The following KIAA0825 variants were observed in gnomAD, a reference collection of about 807,000 sequenced individuals.
The protein encoded by KIAA0825 is uncharacterized protein KIAA0825.
KIAA0825 carries 119 observed loss-of-function variants against 147.6 expected under a neutral mutation model. The ratio of observed to expected loss-of-function variants is 0.81; its 90% confidence interval spans 0.69 to 0.94. The LOEUF (loss-of-function observed/expected upper bound fraction) is 0.94, where lower values mean the gene tolerates loss of function less well. Among genes scored for constraint, KIAA0825 ranks in the 40% least tolerant of loss-of-function variants. The pLI, the probability that KIAA0825 is intolerant of heterozygous loss-of-function variation, is 0.00. For synonymous variants in KIAA0825, 470 were observed against 518.1 expected (o/e 0.91, Z 1.26); for missense variants, 1,381 against 1,472.7 (o/e 0.94, Z 1.02).
intron 20 of KIAA0825, among the ~76,000 whole-genome samples, chr5:94,247,901 A>AG (rs549356072): frequency 5.3e-5 from 8 of 152,020 alleles, no homozygotes; most frequent in Admixed American, 1.3e-4. Context: ...GGAAAATATA[A>AG]GGGGGGGTAA....
intron 2 of KIAA0825, among the ~76,000 whole-genome samples, chr5:94,574,944 T>C (rs1168399894): frequency 6.6e-6 from 1 of 152,166 alleles, no homozygotes; most frequent in Admixed American, 6.5e-5. Flanking sequence ...TAAACCCCAT[T>C]CACAGCTACC....
At chr5:94,287,430 A>G (rs1198002456) in intron 20 of KIAA0825, among the ~76,000 whole-genome samples, 1 of 152,220 alleles carries the variant, frequency 6.6e-6, no homozygotes, top group Non-Finnish European at 1.5e-5. Context: ...CATTTGATGA[A>G]TAAAAAGGGG....
At chr5:94,205,792 C>A (rs964780324) in intron 20 of KIAA0825, among the ~76,000 whole-genome samples, 4 of 152,098 alleles carry the variant, frequency 2.6e-5, no homozygotes, top group Admixed American at 6.5e-5. Context: ...GTAAGACGCA[C>A]CTGATTTTCC....
intron 5 of KIAA0825, among the ~76,000 whole-genome samples, chr5:94,509,859 G>C (rs1183568549): frequency 6.6e-6 from 1 of 152,128 alleles, no homozygotes; most frequent in Non-Finnish European, 1.5e-5. Flanking sequence ...GGGCTTTTGT[G>C]ATCATGACTA....
chr5:94,473,819 C>T (rs1166603214), intron 7 of KIAA0825, among the ~76,000 whole-genome samples: 3 of 152,106 alleles, frequency 2.0e-5, no homozygotes, highest in African/African-American at 7.2e-5. Flanking sequence ...GCCATCTTTA[C>T]AAGAACAGAA....
At chr5:94,503,066 A>C (rs182642935) in intron 5 of KIAA0825, among the ~76,000 whole-genome samples, 1 of 125,024 alleles carries the variant, frequency 8.0e-6, no homozygotes, top group East Asian at 2.0e-4. Flanking sequence ...ACTCCATCTC[A>C]AAAAAAAATA....
chr5:94,538,544 G>A (rs62364621), intron 2 of KIAA0825, among the ~76,000 whole-genome samples: 2 of 152,252 alleles, frequency 1.3e-5, no homozygotes, highest in East Asian at 1.9e-4. Flanking sequence ...TGCCATGAAC[G>A]GAGATCACTA....
chr5:94,392,585 T>C (rs1322548984), intron 17 of KIAA0825, among the ~76,000 whole-genome samples: 1 of 152,220 alleles, frequency 6.6e-6, no homozygotes, highest in African/African-American at 2.4e-5. Flanking sequence ...CACTTTGCAA[T>C]GTAAGTATTC....
rs186839911 is a variant in KIAA0825 at position 94,351,562 on chromosome 5, C to T, written c.3710+32806G>A. Among the ~76,000 whole-genome samples, 877 of 152,278 alleles carry T rather than the reference C, an allele frequency of 5.8e-3. 8 individuals are homozygous for T. Among genetic ancestry groups the T allele is most frequent in the African/African-American group, 0.02 (831 of 41,568 alleles). On this transcript the variant is annotated intron_variant, in intron 20 of 20. Coordinates refer to ENST00000682413, the MANE Select transcript of KIAA0825 (RefSeq NM_001145678.3). ...GCAATCCACATCAAAATACCACCAT[C>T]ATTCTTCACAGAATTAGAAAAAACA...
chr5:94,565,094 C>CTTTTTTTTTTTTTTTT (rs1285299381), intron 2 of KIAA0825, among the ~76,000 whole-genome samples: 36 of 51,864 alleles, frequency 6.9e-4, no homozygotes, highest in Non-Finnish European at 1.2e-3. Flanking sequence ...TTCTTGCTTT[C>CTTTTTTTTTTTTTTTT]CTTTTTTTTT....
intron 14 of KIAA0825, among the ~76,000 whole-genome samples, chr5:94,426,260 A>G (rs1754870885): frequency 6.6e-6 from 1 of 152,130 alleles, no homozygotes. Flanking sequence ...TGCATTTACA[A>G]GTTTATTGCA....
intron 20 of KIAA0825, among the ~76,000 whole-genome samples, chr5:94,213,285 C>T (rs929820962): frequency 6.6e-6 from 1 of 152,074 alleles, no homozygotes; most frequent in Non-Finnish European, 1.5e-5. Flanking sequence ...CCTCCAAGTC[C>T]TATTGATATT....
chr5:94,327,685 T>C (rs1298188190), intron 20 of KIAA0825, among the ~76,000 whole-genome samples: 1 of 152,186 alleles, frequency 6.6e-6, no homozygotes, highest in Non-Finnish European at 1.5e-5. Flanking sequence ...TATAAACTAA[T>C]ACTTTCAAGA....
intron 2 of KIAA0825, among the ~76,000 whole-genome samples, chr5:94,561,473 C>A (rs372436323): frequency 1.3e-5 from 2 of 152,310 alleles, no homozygotes; most frequent in African/African-American, 4.8e-5. Flanking sequence ...AACCCACCTG[C>A]AGCTGGCACG....
At chr5:94,471,150 C>T (rs1438872482) in intron 9 of KIAA0825, among the ~76,000 whole-genome samples, 1 of 152,126 alleles carries the variant, frequency 6.6e-6, no homozygotes, top group Non-Finnish European at 1.5e-5. Flanking sequence ...ATGCACCTTA[C>T]AAAACGAAAG....
chr5:94,167,538 T>C (rs1583725043), intron 20 of KIAA0825, among the ~76,000 whole-genome samples: 1 of 152,284 alleles, frequency 6.6e-6, no homozygotes, highest in South Asian at 2.1e-4. Context: ...CAGAGAGATC[T>C]TTACAACCTT....
chr5:94,564,550 G>C (rs1262541436), intron 2 of KIAA0825, among the ~76,000 whole-genome samples: 1 of 70,900 alleles, frequency 1.4e-5, no homozygotes, highest in Admixed American at 1.2e-4. Context: ...GTGTGTGTGT[G>C]TGTGTGTGTG....
At chr5:94,198,079 T>C (rs1771308084) in intron 20 of KIAA0825, among the ~76,000 whole-genome samples, 1 of 152,216 alleles carries the variant, frequency 6.6e-6, no homozygotes, top group African/African-American at 2.4e-5. Context: ...TTAATAATAT[T>C]GATTCTTCCT....
rs1280343364 is a variant in KIAA0825, at chr5:94,363,705, A to AT, written c.3710+20662dup. ...GCAAGAACCCATCTCTACAAAAAAAATTTTTTTTAAAAACTAACCAGGCAT... is the reference window on the plus strand; with the variant it reads ...GCAAGAACCCATCTCTACAAAAAAAATTTTTTTTTAAAAACTAACCAGGCAT... On this transcript the variant is annotated intron_variant, in intron 20 of 20. Coordinates refer to ENST00000682413, the MANE Select transcript of KIAA0825 (RefSeq NM_001145678.3). Among the ~76,000 whole-genome samples the AT allele has an allele frequency of 1.4e-4, 22 of 152,036 alleles. No homozygotes were observed. The East Asian group carries it at 3.5e-3, about 24-fold the overall frequency.
Sources: allele counts gnomAD v4.1 joint callset (sites outside exome capture counted in the v4.1 genomes callset), GRCh38; gene constraint gnomAD v4.1.1; transcripts MANE v1.5; gene names NCBI Gene and HGNC (gene_info 2026-07-23, HGNC 2026-07-21).